SNX29: variants seen among roughly 807,000 people sequenced by gnomAD.
SNX29 encodes the protein sorting nexin 29, also known as sorting nexin-29.
SNX29 carries 78 observed loss-of-function variants against 102.1 expected under a neutral mutation model. The observed-to-expected ratio is 0.76, with a 90% CI of 0.64 to 0.92. The LOEUF (loss-of-function observed/expected upper bound fraction) is 0.92. Ranked by LOEUF, SNX29 falls within the 40% of genes least tolerant of loss-of-function variation. SNX29 has a pLI of 0.00. For synonymous variants in SNX29, 580 were observed against 414.5 expected (o/e 1.40, Z -4.85); for missense variants, 1,280 against 1,061.7 (o/e 1.21, Z -2.86).
At chr16:12,384,311 G>A (rs936253615) in intron 16 of SNX29, among the ~76,000 whole-genome samples, 2 of 152,118 alleles carry the variant, frequency 1.3e-5, no homozygotes, top group Non-Finnish European at 2.9e-5. Flanking sequence ...TCTCCACAGT[G>A]GTTGTGTGAA....
intron 8 of SNX29, among the ~76,000 whole-genome samples, chr16:12,059,982 T>C (rs1053468343): frequency 1.3e-5 from 2 of 152,140 alleles, no homozygotes; most frequent in Non-Finnish European, 1.5e-5. Flanking sequence ...GCACTTCCCT[T>C]CTTAAGTAGG....
intron 13 of SNX29, among the ~76,000 whole-genome samples, chr16:12,157,189 A>G (rs1244713606): frequency 2.0e-5 from 3 of 152,136 alleles, no homozygotes; most frequent in Non-Finnish European, 2.9e-5. Context: ...TCATCCACCA[A>G]CATCCACCCC....
chr16:12,460,593 A>G (rs373632735), intron 18 of SNX29, among the ~76,000 whole-genome samples: 5 of 151,612 alleles, frequency 3.3e-5, no homozygotes, highest in African/African-American at 1.2e-4. Flanking sequence ...TCCCTATGCC[A>G]TAACACTTAT....
intron 15 of SNX29, among the ~76,000 whole-genome samples, chr16:12,294,304 A>G (rs2079904289): frequency 6.6e-6 from 1 of 151,794 alleles, no homozygotes; most frequent in Admixed American, 6.6e-5. Context: ...TGTGATGGGG[A>G]ACCCTCTTGT....
At chr16:12,532,363 A>G (rs2076955191) in intron 20 of SNX29, among the ~76,000 whole-genome samples, 1 of 152,178 alleles carries the variant, frequency 6.6e-6, no homozygotes, top group South Asian at 2.1e-4. Context: ...TGGTTCTTTC[A>G]GCAGCTCCCA....
chr16:12,451,363 A>G (rs2086291997), intron 18 of SNX29, among the ~76,000 whole-genome samples: 4 of 152,212 alleles, frequency 2.6e-5, no homozygotes. Flanking sequence ...GGGGAGAGAA[A>G]GCAATCCATG....
At chr16:12,550,542 A>AAACC (rs895302780) in intron 20 of SNX29, among the ~76,000 whole-genome samples, 1 of 152,092 alleles carries the variant, frequency 6.6e-6, no homozygotes, top group Non-Finnish European at 1.5e-5. Context: ...AAAAAAAAAA[A>AAACC]AAAAACCAAA....
At chr16:12,568,441 T>TC (rs778654552) in intron 20 of SNX29, 65 bp from the exon 21 acceptor site, 39 of 1,591,190 alleles carry the variant, frequency 2.5e-5, no homozygotes, top group Non-Finnish European at 2.6e-6. Flanking sequence ...TGGCTCCCCT[T>TC]CCTGGCCTGT....
chr16:12,206,030 A>C (rs1393304816), intron 14 of SNX29, among the ~76,000 whole-genome samples: 1 of 152,172 alleles, frequency 6.6e-6, no homozygotes, highest in East Asian at 1.9e-4. Context: ...TTCTAGTGCC[A>C]CCCAAATAAT....
chr16:12,406,301 T>G (rs1193955037), intron 18 of SNX29, among the ~76,000 whole-genome samples: 1 of 152,238 alleles, frequency 6.6e-6, no homozygotes, highest in Non-Finnish European at 1.5e-5. Flanking sequence ...ATAATTCTGT[T>G]GCTAATGATA....
intron 16 of SNX29, among the ~76,000 whole-genome samples, chr16:12,361,698 C>A (rs2082303859): frequency 6.6e-6 from 1 of 151,988 alleles, no homozygotes; most frequent in Admixed American, 6.6e-5. Context: ...TTTTCTTAAA[C>A]TTTTTTTCAT....
intron 12 of SNX29, 118 bp from the exon 13 acceptor site, chr16:12,129,512 A>C: frequency 1.5e-6 from 2 of 1,319,362 alleles, no homozygotes; most frequent in Non-Finnish European, 2.0e-6. Context: ...ATTATGGTTT[A>C]TGCAGAGCCT....
At chr16:12,233,919 T>C (rs1004596965) in intron 14 of SNX29, among the ~76,000 whole-genome samples, 2 of 152,238 alleles carry the variant, frequency 1.3e-5, no homozygotes, top group African/African-American at 4.8e-5. Context: ...ATCTACATTG[T>C]AGCATGTATC....
At chr16:12,093,302 A>G (rs1331661650) in intron 11 of SNX29, among the ~76,000 whole-genome samples, 1 of 152,220 alleles carries the variant, frequency 6.6e-6, no homozygotes, top group Admixed American at 6.5e-5. Context: ...CAGGCAGACC[A>G]CAGCACTGCT....
intron 12 of SNX29, 131 bp downstream of exon 12, chr16:12,126,827 A>T: frequency 1.1e-6 from 1 of 888,100 alleles, no homozygotes; most frequent in South Asian, 1.6e-5. Flanking sequence ...TCTTATCGTC[A>T]GGGATATGCC....
At chr16:12,479,616 A>C (rs1012717637) in intron 19 of SNX29, among the ~76,000 whole-genome samples, 3 of 152,258 alleles carry the variant, frequency 2.0e-5, no homozygotes, top group African/African-American at 7.2e-5. Flanking sequence ...GAGTACAAGA[A>C]TTCTTTTGAA....
At chr16:12,531,129 A>C (rs940338418) in intron 20 of SNX29, among the ~76,000 whole-genome samples, 5 of 152,192 alleles carry the variant, frequency 3.3e-5, no homozygotes, top group African/African-American at 1.2e-4. Flanking sequence ...CTCTCATACC[A>C]ATTTGATATG....
chr16:12,300,942 T>C (rs1190444805), intron 15 of SNX29, among the ~76,000 whole-genome samples: 2 of 152,048 alleles, frequency 1.3e-5, no homozygotes, highest in Non-Finnish European at 2.9e-5. Context: ...AAAAATACCC[T>C]CCTTTGAGGA....
At chr16:12,559,247 C>T (rs1236305025) in intron 20 of SNX29, among the ~76,000 whole-genome samples, 1 of 152,120 alleles carries the variant, frequency 6.6e-6, no homozygotes, top group Non-Finnish European at 1.5e-5. Context: ...ACTCGCATCA[C>T]CGCCTGAGCT....
Sources: gnomAD v4.1 joint callset for allele counts (sites outside exome capture counted in the v4.1 genomes callset) on GRCh38, gnomAD v4.1.1 for gene constraint, MANE v1.5 for transcripts, NCBI Gene and HGNC (gene_info 2026-07-23, HGNC 2026-07-21) for gene names.